Variants in SLC39A8 observed in about 807,000 individuals in gnomAD.
SLC39A8 encodes the protein solute carrier family 39 member 8.
SLC39A8 carries 15 observed loss-of-function variants against 40.4 expected under a neutral mutation model. The observed-to-expected ratio is 0.37, with a 90% CI of 0.25 to 0.57. The LOEUF (loss-of-function observed/expected upper bound fraction) is 0.57. Ranked by LOEUF, SLC39A8 falls within the 20% of genes least tolerant of loss-of-function variation. The probability of loss-of-function intolerance (pLI) is 0.75; values close to 1 mark genes in which losing one functional copy is unlikely to be tolerated. For missense variants in SLC39A8, 472 were observed against 558.8 expected (o/e 0.84, Z 1.57); for synonymous variants, 223 against 221.6 (o/e 1.01, Z -0.06).
intron 6 of SLC39A8, among the ~76,000 whole-genome samples, chr4:102,297,124 A>G (rs1177591140): frequency 6.6e-6 from 1 of 152,124 alleles, no homozygotes; most frequent in Non-Finnish European, 1.5e-5. Context: ...AACCACTTAC[A>G]TTATTCTAAA....
At chr4:102,343,703 A>G (rs1049541732) in intron 2 of SLC39A8, among the ~76,000 whole-genome samples, 1 of 152,244 alleles carries the variant, frequency 6.6e-6, no homozygotes, top group African/African-American at 2.4e-5. Context: ...ACAAAGAGGT[A>G]TGATGTTTAA....
intron 2 of SLC39A8, among the ~76,000 whole-genome samples, chr4:102,321,929 G>A (rs1043465165): frequency 1.3e-5 from 2 of 152,220 alleles, no homozygotes; most frequent in African/African-American, 4.8e-5. Flanking sequence ...GCACGAAAAA[G>A]AGCCAGTATA....
chr4:102,294,042 A>T (rs1266401657), intron 6 of SLC39A8, among the ~76,000 whole-genome samples: 1 of 152,050 alleles, frequency 6.6e-6, no homozygotes, highest in Admixed American at 6.6e-5. Flanking sequence ...CTGCTTATTT[A>T]TACAGGAAAA....
chr4:102,270,485 G>A (rs1732301986), intron 6 of SLC39A8, among the ~76,000 whole-genome samples: 1 of 152,124 alleles, frequency 6.6e-6, no homozygotes. Flanking sequence ...CTAAATTCAA[G>A]TTCCTGTAGT....
In SLC39A8 at chr4:102,345,477, A is replaced by T. The variant is rs1188501312; in HGVS notation, c.-386T>A. ...CTGTATCTCTGACAGGTCCGCGGTGAAACTCCGCGATCCGCTCCGGCGCTC... is the reference window on the plus strand; with the variant it reads ...CTGTATCTCTGACAGGTCCGCGGTGTAACTCCGCGATCCGCTCCGGCGCTC... On this transcript the variant is annotated 5_prime_UTR_variant, in exon 1 of 9. Transcript: ENST00000356736. 1 of 152,372 alleles carries T rather than the reference A, an allele frequency of 6.6e-6. No homozygotes were observed. Among genetic ancestry groups the T allele is most frequent in the Non-Finnish European group, 1.5e-5 (1 of 68,132 alleles). 9.4% of individuals were successfully genotyped at this position (152,372 alleles called of 1,614,324 possible). A position where few individuals can be genotyped will look rare whatever the true frequency, so the allele number is the denominator to read the frequency against.
chr4:102,273,816 T>A (rs1054932698), intron 6 of SLC39A8, among the ~76,000 whole-genome samples: 1 of 151,796 alleles, frequency 6.6e-6, no homozygotes, highest in Non-Finnish European at 1.5e-5. Context: ...GGGGATGGAG[T>A]GGACCCCCAG....
At chr4:102,315,015 C>A (rs1734596760) in intron 3 of SLC39A8, among the ~76,000 whole-genome samples, 1 of 152,054 alleles carries the variant, frequency 6.6e-6, no homozygotes, top group African/African-American at 2.4e-5. Flanking sequence ...AAACAGACTC[C>A]CTGAACAATT....
chr4:102,270,815 C>A (rs1732322859), intron 6 of SLC39A8, among the ~76,000 whole-genome samples: 1 of 152,048 alleles, frequency 6.6e-6, no homozygotes, highest in Non-Finnish European at 1.5e-5. Context: ...GAATATCATG[C>A]ACCAAAGTTA....
chr4:102,269,953 G>T (rs1732271364), intron 6 of SLC39A8, among the ~76,000 whole-genome samples: 1 of 152,122 alleles, frequency 6.6e-6, no homozygotes, highest in Admixed American at 6.5e-5. Context: ...AGCACAGGTG[G>T]ATCGGGTAGT....
intron 6 of SLC39A8, among the ~76,000 whole-genome samples, chr4:102,268,726 C>T (rs1420290792): frequency 6.6e-6 from 1 of 152,182 alleles, no homozygotes; most frequent in Non-Finnish European, 1.5e-5. Context: ...ATTTTCTTAA[C>T]AAATTGCATG....
intron 2 of SLC39A8, among the ~76,000 whole-genome samples, chr4:102,325,635 A>G (rs1459845354): frequency 1.3e-5 from 2 of 152,130 alleles, no homozygotes; most frequent in African/African-American, 4.8e-5. Flanking sequence ...AAATGTTAAC[A>G]GTGTTTATCT....
At chr4:102,264,176 A>G (rs1397397102) in intron 8 of SLC39A8, among the ~76,000 whole-genome samples, 1 of 152,190 alleles carries the variant, frequency 6.6e-6, no homozygotes, top group East Asian at 1.9e-4. Flanking sequence ...CAGCAACTAG[A>G]GACTTACAAA....
At chr4:102,287,536 C>T (rs1273029831) in intron 6 of SLC39A8, among the ~76,000 whole-genome samples, 4 of 152,002 alleles carry the variant, frequency 2.6e-5, no homozygotes, top group East Asian at 3.9e-4. Flanking sequence ...TCCCAATATG[C>T]GCCACTCCAT....
At chr4:102,291,779 A>C (rs1733456835) in intron 6 of SLC39A8, among the ~76,000 whole-genome samples, 1 of 152,046 alleles carries the variant, frequency 6.6e-6, no homozygotes, top group African/African-American at 2.4e-5. Flanking sequence ...TGTTCTCAGG[A>C]AGAAGCAAAG....
chr4:102,267,805 T>A, intron 7 of SLC39A8, 67 bp downstream of exon 7: 1 of 1,574,196 alleles, frequency 6.4e-7, no homozygotes, highest in Non-Finnish European at 8.7e-7. Context: ...GCATGTCACC[T>A]GAAAAGTCTC....
At chr4:102,270,657 C>G (rs1732310882) in intron 6 of SLC39A8, among the ~76,000 whole-genome samples, 1 of 152,152 alleles carries the variant, frequency 6.6e-6, no homozygotes, top group Non-Finnish European at 1.5e-5. Flanking sequence ...TGAAAAGACA[C>G]TAAGTCTGGA....
intron 2 of SLC39A8, among the ~76,000 whole-genome samples, chr4:102,336,515 C>T (rs538571272): frequency 5.4e-5 from 8 of 148,990 alleles, no homozygotes; most frequent in African/African-American, 2.0e-4. Flanking sequence ...ATTATCAATG[C>T]TCACTTGATT....
intron 2 of SLC39A8, among the ~76,000 whole-genome samples, chr4:102,340,148 C>T (rs1735876660): frequency 6.6e-6 from 1 of 152,050 alleles, no homozygotes; most frequent in African/African-American, 2.4e-5. Context: ...CCATCTTCAC[C>T]CATCTATTCA....
chr4:102,275,411 C>A (rs1732572529), intron 6 of SLC39A8, among the ~76,000 whole-genome samples: 1 of 152,098 alleles, frequency 6.6e-6, no homozygotes, highest in Admixed American at 6.5e-5. Context: ...GTAAAGGGAT[C>A]AATGCAGCAA....
Sources: gnomAD v4.1 joint callset for allele counts (sites outside exome capture counted in the v4.1 genomes callset) on GRCh38, gnomAD v4.1.1 for gene constraint, MANE v1.5 for transcripts, NCBI Gene and HGNC (gene_info 2026-07-23, HGNC 2026-07-21) for gene names.